Variants in SMG6 observed in about 807,000 individuals in gnomAD.
SMG6 encodes SMG6 nonsense mediated mRNA decay factor.
In SMG6, 66 loss-of-function variants were observed where a neutral mutation model predicts 142.2. That is an observed-to-expected ratio of 0.46 (90% confidence interval 0.38 to 0.57). The LOEUF is 0.57. Ranked by LOEUF, SMG6 falls within the 20% of genes least tolerant of loss-of-function variation. The probability of loss-of-function intolerance (pLI) is 0.00; values close to 1 mark genes in which losing one functional copy is unlikely to be tolerated. For missense variants in SMG6, 1,793 were observed against 1,832.0 expected (o/e 0.98, Z 0.39); for synonymous variants, 779 against 702.4 (o/e 1.11, Z -1.72).
chr17:2,173,123 T>C (rs575149549), intron 12 of SMG6: 2 of 474,124 alleles, frequency 4.2e-6, no homozygotes, highest in South Asian at 4.4e-5. Flanking sequence ...ATTTGGAGAC[T>C]CAGTTGCCTA....
chr17:2,277,150 TTTA>T (rs2074669045), intron 8 of SMG6, among the ~76,000 whole-genome samples: 12 of 75,420 alleles, frequency 1.6e-4, no homozygotes, highest in African/African-American at 6.6e-4. Context: ...TATTTATTTA[TTTA>T]TTTATTTATT....
At chr17:2,218,875 C>T (rs182558457) in intron 10 of SMG6, among the ~76,000 whole-genome samples, 1 of 151,846 alleles carries the variant, frequency 6.6e-6, no homozygotes, top group Admixed American at 6.6e-5. Context: ...AACAAATGTC[C>T]CACTCTGGTG....
rs185405962 is a variant in SMG6, at chr17:2,226,810, T to C, written c.2869+9682A>G. Among the ~76,000 whole-genome samples, 310 of 150,722 alleles carry C rather than the reference T, an allele frequency of 2.1e-3. 2 individuals are homozygous for C. The highest frequency in any genetic ancestry group is 6.7e-3 in the African/African-American group (276 of 40,980). On this transcript the variant is annotated intron_variant, in intron 10 of 18. Transcript: ENST00000263073. ...CTCTCGGGAGGCTGAGGCACGAGAA[T>C]TGTTTAAATCCAGGAGGCGGAGGGT...
chr17:2,126,935 C>T (rs913971666), intron 13 of SMG6, among the ~76,000 whole-genome samples: 1 of 151,730 alleles, frequency 6.6e-6, no homozygotes, highest in African/African-American at 2.4e-5. Context: ...TACATGCACA[C>T]ATGCGCACAC....
At chr17:2,198,950 T>TAAAAAAAAAAAAAA (rs55660022) in intron 10 of SMG6, among the ~76,000 whole-genome samples, 2 of 102,152 alleles carry the variant, frequency 2.0e-5, no homozygotes, top group Non-Finnish European at 3.9e-5. Context: ...AAAATAAAAT[T>TAAAAAAAAAAAAAA]AAAAAAAAAA....
intron 12 of SMG6, among the ~76,000 whole-genome samples, chr17:2,181,313 T>C (rs1431976548): frequency 6.6e-6 from 1 of 152,182 alleles, no homozygotes; most frequent in East Asian, 1.9e-4. Flanking sequence ...CCCTCAGTGG[T>C]AGTCAGGCCA....
At position 2,292,571 on chromosome 17, in the gene SMG6, G is replaced by T; in HGVS notation, c.2318C>A (p.Ala773Asp). 6.2e-7 allele frequency: 1 copy of T among 1,614,192 alleles called. No homozygotes were observed. Among genetic ancestry groups the T allele is most frequent in the Non-Finnish European group, 8.5e-7 (1 of 1,180,034 alleles). Residue 773 changes from alanine to aspartate, a missense_variant, in exon 6 of 19, where the codon GCT becomes GAT. Transcript: ENST00000263073. The stretch of plus-strand genomic sequence containing the variant: ...TCTTACCGTATACACTGCCAGCAAA[G>T]CCAACTGGTTATAGGGGCGCCCATT... ...PKNGRPYNQLALLAVYTRRKL... is the reference protein window; with the variant it reads ...PKNGRPYNQLDLLAVYTRRKL...
chr17:2,236,447 C>A, intron 10 of SMG6, 45 bp downstream of exon 10: 1 of 1,578,282 alleles, frequency 6.3e-7, no homozygotes. Context: ...CTACATTAAT[C>A]TCTATCTGTC....
intron 13 of SMG6, among the ~76,000 whole-genome samples, chr17:2,097,151 TTTTC>T (rs1404310610): frequency 6.6e-6 from 1 of 151,426 alleles, no homozygotes; most frequent in African/African-American, 2.4e-5. Flanking sequence ...ATAATTTTTC[TTTTC>T]TTTTCTTTTT....
chr17:2,217,420 T>C (rs1007627090), intron 10 of SMG6, among the ~76,000 whole-genome samples: 3 of 152,032 alleles, frequency 2.0e-5, no homozygotes, highest in Non-Finnish European at 2.9e-5. Flanking sequence ...ATGTGATCAA[T>C]TGCAAAGTTC....
At chr17:2,192,828 G>T (rs1434962312) in intron 10 of SMG6, among the ~76,000 whole-genome samples, 1 of 152,202 alleles carries the variant, frequency 6.6e-6, no homozygotes, top group Admixed American at 6.5e-5. Flanking sequence ...GCTAGCTGAA[G>T]AGGAGGTAGA....
At chr17:2,069,077 G>A (rs2068027928) in intron 15 of SMG6, 146 bp from the exon 16 acceptor site, 11 of 754,946 alleles carry the variant, frequency 1.5e-5, no homozygotes, top group Non-Finnish European at 1.9e-5. Context: ...TCGGGTCTCA[G>A]GGATAGGCCC....
intron 8 of SMG6, among the ~76,000 whole-genome samples, chr17:2,259,962 T>TACCTTGTGCGAGCTTC (rs2074276583): frequency 6.6e-6 from 1 of 152,180 alleles, no homozygotes; most frequent in South Asian, 2.1e-4. Context: ...CAGGGAGCTT[T>TACCTTGTGCGAGCTTC]GGCTACCTTG....
intron 15 of SMG6, among the ~76,000 whole-genome samples, chr17:2,073,769 C>T (rs1283173193): frequency 1.4e-5 from 2 of 147,036 alleles, no homozygotes; most frequent in East Asian, 4.1e-4. Context: ...CATGGTGAAA[C>T]CCCATCTCTA....
In SMG6 at chr17:2,091,858, T is replaced by A. The variant is rs530926506; in HGVS notation, c.3358-5957A>T. Among the ~76,000 whole-genome samples, 266 of 151,916 alleles carry A rather than the reference T, an allele frequency of 1.8e-3. 2 individuals are homozygous for A. Among genetic ancestry groups the A allele is most frequent in the African/African-American group, 5.6e-3 (231 of 41,450 alleles). On this transcript the variant is annotated intron_variant, in intron 13 of 18. Transcript: ENST00000263073. ...GCTAATTTTGTGTGTGTGTGTGTTT[T>A]TTTTTAGTAGAGACGAGGTTTCACC... is the stretch of plus-strand genomic sequence containing the variant.
intron 11 of SMG6, 82 bp downstream of exon 11, chr17:2,188,317 G>T (rs1458875737): frequency 2.6e-6 from 3 of 1,145,322 alleles, no homozygotes; most frequent in South Asian, 2.6e-5. Flanking sequence ...AGAAGACACC[G>T]AGAAAACAGC....
rs2072926517 is a variant in SMG6 at position 2,213,565 on chromosome 17, TAAAC to T, written c.2869+22923_2869+22926del. ...CATGTTGAGGGATGAGGGAAAAAAA[TAAAC>T]AGAGAGACAAAAGAATGAGGATGCA... On this transcript the variant is annotated intron_variant, in intron 10 of 18. Coordinates refer to ENST00000263073, the MANE Select transcript of SMG6 (RefSeq NM_017575.5). The T allele has an allele frequency of 2.0e-5, 3 of 152,262 alleles. No individual in the cohort carries two copies. In the South Asian group the frequency reaches 6.2e-4, roughly 32 times the overall value. 9.4% of individuals were successfully genotyped at this position (152,262 alleles called of 1,614,324 possible).
At chr17:2,212,279 A>G (rs554616153) in intron 10 of SMG6, among the ~76,000 whole-genome samples, 59 of 152,308 alleles carry the variant, frequency 3.9e-4, no homozygotes, top group Admixed American at 8.5e-4. Flanking sequence ...GGAGATGGAA[A>G]AAGATAGACC....
intron 6 of SMG6, among the ~76,000 whole-genome samples, chr17:2,287,181 A>C (rs899762943): frequency 2.0e-5 from 3 of 152,146 alleles, no homozygotes; most frequent in African/African-American, 7.2e-5. Flanking sequence ...GGCCTCCCAA[A>C]GTGCTGGGAT....
Sources: allele counts gnomAD v4.1 joint callset (sites outside exome capture counted in the v4.1 genomes callset), GRCh38; gene constraint gnomAD v4.1.1; transcripts MANE v1.5; gene names NCBI Gene and HGNC (gene_info 2026-07-23, HGNC 2026-07-21).